GPC6: variants seen among roughly 807,000 people sequenced by gnomAD.
GPC6 encodes the protein glypican 6, also known as glypican-6.
A neutral mutation model predicts 55.2 loss-of-function variants in GPC6; 14 were observed. The ratio of observed to expected loss-of-function variants is 0.25; its 90% CI spans 0.17 to 0.40. GPC6 has a LOEUF of 0.40. Ranked by LOEUF, GPC6 falls within the 10% of genes least tolerant of loss-of-function variation. The probability of loss-of-function intolerance (pLI) is 1.00; values close to 1 mark genes in which losing one functional copy is unlikely to be tolerated. For missense variants in GPC6, 641 were observed against 708.5 expected, an observed-to-expected ratio of 0.90 and a Z score of 1.08; for synonymous variants, 278 against 259.6, an observed-to-expected ratio of 1.07 and a Z score of -0.68.
intron 1 of GPC6, among the ~76,000 whole-genome samples, chr13:93,381,822 T>G (rs1214768399): frequency 6.6e-6 from 1 of 152,148 alleles, no homozygotes; most frequent in Admixed American, 6.6e-5. Flanking sequence ...ATTCATTCTT[T>G]CTTCCATCCA....
chr13:94,137,490 A>C (rs17791714), intron 4 of GPC6, among the ~76,000 whole-genome samples: 26,514 of 152,098 alleles, frequency 0.17, 2,708 homozygotes, highest in Non-Finnish European at 0.23. Context: ...CTGAGCCTTA[A>C]GGAGTGGGAT....
chr13:94,209,767 TG>T (rs1241730269), intron 4 of GPC6, among the ~76,000 whole-genome samples: 23 of 152,186 alleles, frequency 1.5e-4, no homozygotes, highest in Admixed American at 1.5e-3. Context: ...ACATAATTGT[TG>T]GATCTGTGTG....
intron 4 of GPC6, among the ~76,000 whole-genome samples, chr13:94,152,311 G>C (rs1887769749): frequency 6.6e-6 from 1 of 152,122 alleles, no homozygotes; most frequent in Non-Finnish European, 1.5e-5. Flanking sequence ...ATTGGATTTG[G>C]AGACATATAA....
intron 4 of GPC6, among the ~76,000 whole-genome samples, chr13:94,231,924 AAAAAAG>A (rs1384199308): frequency 5.9e-5 from 9 of 152,302 alleles, no homozygotes; most frequent in Admixed American, 3.9e-4. Context: ...TATTCTGATC[AAAAAAG>A]AAAAAGAAAA....
Position 93,584,111 on chromosome 13 carries a change from T to C in GPC6, c.319+38690T>C, listed in dbSNP as rs1877075153. Among the ~76,000 whole-genome samples the C allele has an allele frequency of 2.0e-5, 3 of 152,172 alleles. No individual in the cohort carries two copies. The South Asian group carries it at 6.2e-4, about 32-fold the overall frequency. Reference sequence around the variant, plus strand: ...TAGGAAAGGGAATAATGAATATTGGTGGACCAACAATAGCCTCTCATCTTT... The same window carrying C: ...TAGGAAAGGGAATAATGAATATTGGCGGACCAACAATAGCCTCTCATCTTT... On this transcript the variant is annotated intron_variant, in intron 2 of 8. Transcript: ENST00000377047.
intron 3 of GPC6, among the ~76,000 whole-genome samples, chr13:93,989,057 T>G (rs919022609): frequency 6.6e-6 from 1 of 152,244 alleles, no homozygotes; most frequent in African/African-American, 2.4e-5. Context: ...AGTAGGAAAC[T>G]AAAATGCTTT....
chr13:93,629,417 C>A (rs893911500), intron 2 of GPC6, among the ~76,000 whole-genome samples: 3 of 151,916 alleles, frequency 2.0e-5, no homozygotes. Context: ...ACTAGTGCAT[C>A]TTTTTTATTC....
At chr13:93,307,719 T>G (rs993153730) in intron 1 of GPC6, among the ~76,000 whole-genome samples, 40 of 152,250 alleles carry the variant, frequency 2.6e-4, no homozygotes, top group African/African-American at 9.6e-4. Context: ...ATGATAAACT[T>G]TTATAATAAT....
chr13:93,769,090 TTCATCGGC>T (rs1005067646), intron 2 of GPC6, among the ~76,000 whole-genome samples: 78 of 152,290 alleles, frequency 5.1e-4, no homozygotes, highest in African/African-American at 1.8e-3. Flanking sequence ...CATGGGATTT[TTCATCGGC>T]TCATTCCCTT....
intron 1 of GPC6, among the ~76,000 whole-genome samples, chr13:93,526,095 A>G (rs571984061): frequency 3.3e-5 from 5 of 152,242 alleles, no homozygotes; most frequent in African/African-American, 7.2e-5. Flanking sequence ...AGCATCCAGC[A>G]CAACTTTTAA....
At chr13:94,221,812 T>G (rs1439057962) in intron 4 of GPC6, among the ~76,000 whole-genome samples, 1 of 152,020 alleles carries the variant, frequency 6.6e-6, no homozygotes, top group Non-Finnish European at 1.5e-5. Flanking sequence ...AAAATAAAGC[T>G]CGAAGGCACA....
chr13:94,129,980 T>G (rs1317570101), intron 4 of GPC6, among the ~76,000 whole-genome samples: 2 of 152,132 alleles, frequency 1.3e-5, no homozygotes, highest in African/African-American at 4.8e-5. Context: ...TTTTGCAGAT[T>G]GTTTAAAGTG....
chr13:93,447,835 C>A (rs934453998), intron 1 of GPC6, among the ~76,000 whole-genome samples: 1 of 152,128 alleles, frequency 6.6e-6, no homozygotes, highest in African/African-American at 2.4e-5. Flanking sequence ...GTGAACCTCT[C>A]ATCATTATCA....
At chr13:93,494,893 G>A (rs1194094713) in intron 1 of GPC6, among the ~76,000 whole-genome samples, 2 of 148,838 alleles carry the variant, frequency 1.3e-5, no homozygotes, top group Non-Finnish European at 3.0e-5. Flanking sequence ...CGAGAGATCC[G>A]CTGTTGGTCT....
chr13:94,200,179 G>A (rs1566535345), intron 4 of GPC6, among the ~76,000 whole-genome samples: 1 of 150,252 alleles, frequency 6.7e-6, no homozygotes, highest in Non-Finnish European at 1.5e-5. Context: ...AAAACCACAT[G>A]TTTCCAGGAT....
At chr13:94,252,351 G>A (rs1312183116) in intron 4 of GPC6, among the ~76,000 whole-genome samples, 1 of 152,062 alleles carries the variant, frequency 6.6e-6, no homozygotes, top group African/African-American at 2.4e-5. Context: ...CGACGACCAG[G>A]TCATGCATAA....
intron 1 of GPC6, among the ~76,000 whole-genome samples, chr13:93,507,650 G>A (rs4548730): frequency 0.81 from 123,597 of 152,014 alleles, 51,361 homozygotes; most frequent in Middle Eastern, 0.91. Flanking sequence ...TTTCTTTTTT[G>A]GTTCGCCAAT....
chr13:93,399,057 CACAG>C (rs1404232968), intron 1 of GPC6, among the ~76,000 whole-genome samples: 2 of 79,228 alleles, frequency 2.5e-5, no homozygotes, highest in Admixed American at 3.2e-4. Flanking sequence ...TACACACACA[CACAG>C]ACACACACAC....
intron 3 of GPC6, among the ~76,000 whole-genome samples, chr13:93,910,463 CG>C (rs918669978): frequency 1.4e-4 from 21 of 151,328 alleles, no homozygotes; most frequent in Non-Finnish European, 3.1e-4. Flanking sequence ...GTGTGTGTGG[CG>C]GGGGGTGGGT....
Sources: allele counts gnomAD v4.1 joint callset (sites outside exome capture counted in the v4.1 genomes callset), GRCh38; gene constraint gnomAD v4.1.1; transcripts MANE v1.5; gene names NCBI Gene and HGNC (gene_info 2026-07-23, HGNC 2026-07-21).